ENTHD1: variants seen among roughly 807,000 people sequenced by gnomAD.
ENTHD1 encodes the protein ENTH domain containing 1.
In ENTHD1, 23 loss-of-function variants were observed where a neutral mutation model predicts 39.1. The observed-to-expected ratio is 0.59, with a 90% CI of 0.42 to 0.83. ENTHD1 has a LOEUF of 0.83. Among genes scored for constraint, ENTHD1 ranks in the 40% least tolerant of loss-of-function variants. The probability of loss-of-function intolerance (pLI) is 0.00; values close to 1 mark genes in which losing one functional copy is unlikely to be tolerated. For synonymous variants in ENTHD1, 230 were observed against 258.2 expected (o/e 0.89, Z 1.05); for missense variants, 624 against 705.4 (o/e 0.88, Z 1.31).
At position 39,743,891 on chromosome 22, in the gene ENTHD1, A is replaced by G. The variant is rs1282814398; in HGVS notation, c.1612T>C (p.Phe538Leu). ...SCSGFQSTKD[F>L]PQEPEAKNSI... ...TTCTTTGCTTCAGGTTCCTGGGGGA[A>G]GTCTTTGGTTGACTGAAAACCAGAA... Residue 538 changes from phenylalanine (F) to leucine (L), a missense_variant, in exon 7 of 7, where the codon TTC (phenylalanine) becomes CTC (leucine). Physicochemically the swap from Phe to Leu is conservative, Grantham distance 22. Transcript: ENST00000325157. The G allele has an allele frequency of 1.9e-6, 3 of 1,614,190 alleles. No homozygotes were observed. The highest frequency in any genetic ancestry group is 1.3e-5 in the African/African-American group (1 of 75,064).
chr22:39,800,711 T>C (rs2065591882), intron 5 of ENTHD1, among the ~76,000 whole-genome samples: 1 of 152,174 alleles, frequency 6.6e-6, no homozygotes, highest in Non-Finnish European at 1.5e-5. Context: ...GGTTTCAGCT[T>C]TGGGTTTATT....
intron 5 of ENTHD1, among the ~76,000 whole-genome samples, chr22:39,812,124 C>T (rs2146634512): frequency 6.6e-6 from 1 of 151,758 alleles, no homozygotes; most frequent in Admixed American, 6.5e-5. Context: ...GCCTCTTCCT[C>T]AACCTACACC....
chr22:39,848,511 C>G (rs924236074), intron 3 of ENTHD1, among the ~76,000 whole-genome samples: 2 of 152,114 alleles, frequency 1.3e-5, no homozygotes, highest in Non-Finnish European at 2.9e-5. Flanking sequence ...CTTGGCCTCC[C>G]AAAGTGCTGG....
chr22:39,812,015 CAAA>C (rs11388421), intron 5 of ENTHD1, among the ~76,000 whole-genome samples: 71 of 123,426 alleles, frequency 5.8e-4, no homozygotes, highest in African/African-American at 1.7e-3. Context: ...AACAAACAAA[CAAA>C]AAAAAAACGA....
chr22:39,862,094 T>C, intron 2 of ENTHD1, 87 bp from the exon 3 acceptor site: 1 of 1,124,172 alleles, frequency 8.9e-7, no homozygotes, highest in Non-Finnish European at 1.2e-6. Context: ...TTTTTAAAAA[T>C]AAAAATCTCA....
intron 5 of ENTHD1, among the ~76,000 whole-genome samples, chr22:39,795,990 T>C (rs762673718): frequency 6.6e-6 from 1 of 152,084 alleles, no homozygotes; most frequent in Non-Finnish European, 1.5e-5. Context: ...AGCAGTTTAT[T>C]GGTTTTGTTT....
intron 6 of ENTHD1, among the ~76,000 whole-genome samples, chr22:39,761,285 T>C (rs931333859): frequency 6.6e-6 from 1 of 152,208 alleles, no homozygotes; most frequent in East Asian, 1.9e-4. Context: ...ACACTGCTTA[T>C]GATGAAAAAT....
chr22:39,746,522 T>C (rs2065106460), intron 6 of ENTHD1, among the ~76,000 whole-genome samples: 1 of 152,254 alleles, frequency 6.6e-6, no homozygotes, highest in Non-Finnish European at 1.5e-5. Context: ...TACCCCTTGC[T>C]GCCCGCTTAT....
intron 5 of ENTHD1, among the ~76,000 whole-genome samples, chr22:39,774,931 C>T (rs191627512): frequency 3.0e-4 from 45 of 152,164 alleles, no homozygotes; most frequent in African/African-American, 1.1e-3. Context: ...TTTGCTCATG[C>T]TGTTCCCTCA....
At chr22:39,834,856 G>GA (rs1371575169) in intron 4 of ENTHD1, among the ~76,000 whole-genome samples, 1 of 152,128 alleles carries the variant, frequency 6.6e-6, no homozygotes, top group Non-Finnish European at 1.5e-5. Context: ...TACACTGAGC[G>GA]AAAAAATTCC....
At chr22:39,765,172 T>TTCG in intron 6 of ENTHD1, 51 bp downstream of exon 6, 1 of 1,333,630 alleles carries the variant, frequency 7.5e-7, no homozygotes, top group African/African-American at 1.7e-5. Flanking sequence ...AAAGAGGTTT[T>TTCG]TTGTTGTGTG....
chr22:39,774,108 G>A (rs1377462196), intron 5 of ENTHD1, among the ~76,000 whole-genome samples: 1 of 152,174 alleles, frequency 6.6e-6, no homozygotes, highest in Non-Finnish European at 1.5e-5. Context: ...CAGGATTGAT[G>A]AGAAAGAATG....
intron 2 of ENTHD1, among the ~76,000 whole-genome samples, chr22:39,866,214 C>T (rs993736955): frequency 1.3e-5 from 2 of 151,780 alleles, no homozygotes; most frequent in Non-Finnish European, 2.9e-5. Context: ...CCCAAACAAA[C>T]AAAAAAAGGA....
intron 5 of ENTHD1, among the ~76,000 whole-genome samples, chr22:39,767,462 AAAAAC>A (rs536071958): frequency 2.3e-4 from 35 of 152,268 alleles, no homozygotes; most frequent in African/African-American, 5.5e-4. Context: ...CATTTCTATG[AAAAAC>A]AAAACAAAAC....
At chr22:39,772,287 G>T (rs2065332962) in intron 5 of ENTHD1, among the ~76,000 whole-genome samples, 2 of 152,184 alleles carry the variant, frequency 1.3e-5, no homozygotes, top group African/African-American at 4.8e-5. Context: ...GCGAAGCTCA[G>T]GTGGCAATGC....
At chr22:39,822,371 C>T (rs750269616) in intron 4 of ENTHD1, among the ~76,000 whole-genome samples, 3 of 152,144 alleles carry the variant, frequency 2.0e-5, no homozygotes, top group Non-Finnish European at 2.9e-5. Flanking sequence ...CTGATACCAT[C>T]CCACCAGCCT....
chr22:39,800,391 C>T (rs1465299017), intron 5 of ENTHD1, among the ~76,000 whole-genome samples: 1 of 152,118 alleles, frequency 6.6e-6, no homozygotes, highest in Non-Finnish European at 1.5e-5. Context: ...ATTTTGAAGC[C>T]CCTCTCTATT....
intron 3 of ENTHD1, among the ~76,000 whole-genome samples, chr22:39,861,436 A>T (rs926212726): frequency 6.6e-6 from 1 of 152,156 alleles, no homozygotes; most frequent in African/African-American, 2.4e-5. Flanking sequence ...GCTACTCAGG[A>T]GGCTGAGTCA....
chr22:39,875,989 T>C (rs1601662557), intron 2 of ENTHD1: 1 of 1,613,940 alleles, frequency 6.2e-7, no homozygotes, highest in Non-Finnish European at 8.5e-7. Flanking sequence ...ATTTTGGTGG[T>C]TATTACTGCC....
Sources: allele counts gnomAD v4.1 joint callset (sites outside exome capture counted in the v4.1 genomes callset), GRCh38; gene constraint gnomAD v4.1.1; transcripts MANE v1.5; gene names NCBI Gene and HGNC (gene_info 2026-07-23, HGNC 2026-07-21).